PLET1: variants seen among roughly 807,000 people sequenced by gnomAD.
The protein encoded by PLET1 is placenta-expressed transcript 1 protein.
PLET1 carries 20 observed loss-of-function variants against 18.5 expected under a neutral mutation model. The ratio of observed to expected loss-of-function variants is 1.08; its 90% CI spans 0.76 to 1.57. The LOEUF is 1.57. Ranked by LOEUF, PLET1 falls within the 40% of genes most tolerant of loss-of-function variation. The pLI is 0.00. For missense variants in PLET1, 256 were observed against 246.4 expected (o/e 1.04, Z -0.26); for synonymous variants, 93 against 93.8 (o/e 0.99, Z 0.05).
intron 3 of PLET1, among the ~76,000 whole-genome samples, chr11:112,249,701 A>C (rs1020874368): frequency 5.9e-5 from 9 of 152,124 alleles, no homozygotes; most frequent in Non-Finnish European, 1.3e-4. Context: ...AGATGTCTGT[A>C]ATCCCAGCAC....
chr11:112,256,383 T>G (rs548454181), intron 1 of PLET1, among the ~76,000 whole-genome samples: 1 of 152,172 alleles, frequency 6.6e-6, no homozygotes, highest in Non-Finnish European at 1.5e-5. Context: ...GTGAAGCAAA[T>G]TGATCATGCA....
intron 1 of PLET1, among the ~76,000 whole-genome samples, chr11:112,259,339 C>A (rs973865666): frequency 6.6e-6 from 1 of 152,190 alleles, no homozygotes; most frequent in Non-Finnish European, 1.5e-5. Flanking sequence ...CTCTGTTTCT[C>A]ATCTACAAAA....
Position 112,252,340 on chromosome 11 carries a change from G to A in PLET1, c.448+8C>T. On this transcript the variant is annotated splice_region_variant and intron_variant, in intron 3 of 3. Coordinates refer to ENST00000338832, the MANE Select transcript of PLET1 (RefSeq NM_001145024.1). The stretch of plus-strand genomic sequence containing the variant: ...CAAGACTTGCAAATGGGCTGCAAAG[G>A]AACTCACGTTTTTCTCTTAGCTTCA... The A allele has an allele frequency of 1.3e-6, 2 of 1,549,138 alleles. No individual in the cohort carries two copies. The highest frequency in any genetic ancestry group is 1.7e-6 in the Non-Finnish European group (2 of 1,144,724).
rs890311901 is a variant in PLET1, at chr11:112,255,415, G to C, written c.359C>G (p.Pro120Arg). Residue 120 changes from proline to arginine, a missense_variant, in exon 2 of 4, where the codon CCT becomes CGT. Pro to Arg is a moderately radical substitution (Grantham distance 103, BLOSUM62 -2). Transcript: ENST00000338832. ...VLEAQWQAPE[P>R]ENITEVEIQA... is the part of the protein sequence containing the mutation. Reference sequence around the variant, plus strand: ...TATCTCCACTTCAGTTATGTTCTCAGGTTCAGGAGCTTGCCACTGTGCCTC... The same window carrying C: ...TATCTCCACTTCAGTTATGTTCTCACGTTCAGGAGCTTGCCACTGTGCCTC... 1.9e-6 allele frequency: 3 copies of C among 1,552,188 alleles called. No individual in the cohort carries two copies. The highest frequency in any genetic ancestry group is 2.7e-5 in the African/African-American group (2 of 73,020).
At position 112,255,455 on chromosome 11, in the gene PLET1, A is replaced by G; in HGVS notation, c.319T>C (p.Tyr107His). 2.6e-6 allele frequency: 4 copies of G among 1,552,272 alleles called. No individual in the cohort carries two copies. Among genetic ancestry groups the G allele is most frequent in the Non-Finnish European group, 2.6e-6 (3 of 1,147,088 alleles). Residue 107 changes from tyrosine (Y) to histidine (H), a missense_variant, in exon 2 of 4, where the codon TAC becomes CAC. Transcript: ENST00000338832. ...SNSTYYVKDQ[Y>H]MTVLEAQWQA... ...CACTGTGCCTCTAAGACCGTCATGT[A>G]TTGATCTTTCACGTAATACGTGGAG...
At chr11:112,255,702 A>C in intron 1 of PLET1, 113 bp from the exon 2 acceptor site, 1 of 877,932 alleles carries the variant, frequency 1.1e-6, no homozygotes, top group Non-Finnish European at 1.8e-6. Context: ...TACAAAGAAT[A>C]TGCACATCGA....
chr11:112,260,175 G>T (rs1002617130), intron 1 of PLET1: 2 of 480,438 alleles, frequency 4.2e-6, no homozygotes, highest in Non-Finnish European at 7.3e-6. Context: ...AGTGAATCTG[G>T]GGTTGGGGCT....
In PLET1 at chr11:112,260,432, A is replaced by G; in HGVS notation, c.158T>C (p.Ile53Thr). 6.4e-7 allele frequency: 1 copy of G among 1,551,792 alleles called. No homozygotes were observed. Among genetic ancestry groups the G allele is most frequent in the Non-Finnish European group, 8.7e-7 (1 of 1,146,958 alleles). Residue 53 changes from isoleucine (I) to threonine (T), a missense_variant, in exon 1 of 4, where the codon ATC becomes ACC. Transcript: ENST00000338832. ...ITLDIKASSHIYESNAVYSVF... is the reference protein window; with the variant it reads ...ITLDIKASSHTYESNAVYSVF... ...AGAATAGACTGCATTGCTTTCGTAG[A>G]TATGTGAACTGGCCTTGATGTCTAG... is the stretch of plus-strand genomic sequence containing the variant.
Position 112,260,779 on chromosome 11 carries a change from C to G in PLET1, c.-190G>C, listed in dbSNP as rs116582812. On this transcript the variant is annotated 5_prime_UTR_variant, in exon 1 of 4. Coordinates refer to ENST00000338832, the MANE Select transcript of PLET1 (RefSeq NM_001145024.1). Reference sequence around the variant, plus strand: ...GGAATGAATCACCAGTCACCATTACCTGTCACCGATGATTTTGCAAATTGC... The same window carrying G: ...GGAATGAATCACCAGTCACCATTACGTGTCACCGATGATTTTGCAAATTGC... The G allele has an allele frequency of 1.9e-3, 1,042 of 553,730 alleles. 9 individuals are homozygous for G. Among genetic ancestry groups the G allele is most frequent in the African/African-American group, 0.018 (934 of 53,284 alleles). 34.3% of individuals were successfully genotyped at this position (553,730 alleles called of 1,614,324 possible).
intron 1 of PLET1, among the ~76,000 whole-genome samples, chr11:112,259,566 T>G (rs1441121997): frequency 1.3e-5 from 2 of 152,202 alleles, no homozygotes; most frequent in Non-Finnish European, 2.9e-5. Context: ...TTCTATGACT[T>G]ACTAGAAGGG....
chr11:112,252,441 T>C (rs1375992046), intron 2 of PLET1, 32 bp from the exon 3 acceptor site: 25 of 1,534,160 alleles, frequency 1.6e-5, no homozygotes, highest in East Asian at 2.4e-5. Context: ...GAGATAATGC[T>C]GAGGACCTCA....
intron 1 of PLET1, 116 bp downstream of exon 1, chr11:112,260,290 G>A (rs1860273308): frequency 2.8e-6 from 3 of 1,059,666 alleles, no homozygotes; most frequent in Non-Finnish European, 4.0e-6. Flanking sequence ...TTCCCATTTG[G>A]TTCAGAAGAC....
At position 112,248,983 on chromosome 11, in the gene PLET1, G is replaced by A; in HGVS notation, c.449-9C>T. On this transcript the variant is annotated splice_polypyrimidine_tract_variant and intron_variant, in intron 3 of 3. Transcript: ENST00000338832. ...TAAGGCTAAGGTTGACACTGGAAAG[G>A]TGGTTGAGGGTGCGGTTGGCACTGG... The A allele has an allele frequency of 2.6e-6, 4 of 1,549,422 alleles. No individual in the cohort carries two copies. The highest frequency in any genetic ancestry group is 3.5e-6 in the Non-Finnish European group (4 of 1,146,502).
intron 1 of PLET1, 88 bp from the exon 2 acceptor site, chr11:112,255,677 G>A: frequency 8.6e-6 from 10 of 1,167,222 alleles, no homozygotes; most frequent in African/African-American, 1.5e-5. Context: ...AAAACAAAGC[G>A]TGAAACAAGA....
Position 112,248,932 on chromosome 11 carries a change from G to A in PLET1, c.491C>T (p.Ala164Val). Reference sequence around the variant, plus strand: ...TGTAATCATGAAGAAAGGCTTGAAGGCTGAGCTCTGGGGAATCTTGGCAGC... The same window carrying A: ...TGTAATCATGAAGAAAGGCTTGAAGACTGAGCTCTGGGGAATCTTGGCAGC... The part of the protein sequence containing the change: ...ALAAKIPQSS[A>V]FKPFFMITPK... The change falls in exon 4 of 4, where the codon GCC (alanine) becomes GTC (valine). Residue 164 changes from alanine to valine, a missense_variant. Ala to Val is a moderately conservative substitution (Grantham distance 64). Coordinates refer to ENST00000338832, the MANE Select transcript of PLET1 (RefSeq NM_001145024.1). 6.4e-7 allele frequency: 1 copy of A among 1,551,112 alleles called. No individual in the cohort carries two copies. The highest frequency in any genetic ancestry group is 8.7e-7 in the Non-Finnish European group (1 of 1,146,980).
At chr11:112,254,768 G>A (rs556499851) in intron 2 of PLET1, among the ~76,000 whole-genome samples, 763 of 5,388 alleles carry the variant, frequency 0.14, 5 homozygotes, top group South Asian at 0.23. Flanking sequence ...TGTGTGCTGC[G>A]TGTGGTACGC....
chr11:112,260,332 A>T (rs536694384), intron 1 of PLET1, 74 bp downstream of exon 1: 107 of 1,334,732 alleles, frequency 8.0e-5, no homozygotes, highest in Non-Finnish European at 1.1e-4. Context: ...GTAGCGATAG[A>T]GGGGTGTGTT....
rs921448915 is a variant in PLET1, at chr11:112,259,828, A to G, written c.184+578T>C. 3.6e-4 allele frequency among the ~76,000 whole-genome samples: 55 copies of G among 152,162 alleles called. 1 individual carries two copies. The highest frequency in any genetic ancestry group is 2.4e-4 in the Non-Finnish European group (16 of 68,028). On this transcript the variant is annotated intron_variant, in intron 1 of 3. Coordinates refer to ENST00000338832, the MANE Select transcript of PLET1 (RefSeq NM_001145024.1). ...TGAGGTGGGTGGATCACTTGAAGCCAGGAGTTCGAGACCAGCCTGGTCAAC... is the reference window on the plus strand; with the variant it reads ...TGAGGTGGGTGGATCACTTGAAGCCGGGAGTTCGAGACCAGCCTGGTCAAC...
At chr11:112,251,725 A>G (rs569490170) in intron 3 of PLET1, among the ~76,000 whole-genome samples, 2 of 152,168 alleles carry the variant, frequency 1.3e-5, no homozygotes, top group East Asian at 1.9e-4. Flanking sequence ...AATTTGTTAT[A>G]TATAGCTCCT....
Sources: gnomAD v4.1 joint callset for allele counts (sites outside exome capture counted in the v4.1 genomes callset) on GRCh38, gnomAD v4.1.1 for gene constraint, MANE v1.5 for transcripts, NCBI Gene and HGNC (gene_info 2026-07-23, HGNC 2026-07-21) for gene names.